SV2C: variants seen among roughly 807,000 people sequenced by gnomAD.
The protein encoded by SV2C is solute carrier family 22 member B3.
A neutral mutation model predicts 79.7 loss-of-function variants in SV2C; 49 were observed. The ratio of observed to expected loss-of-function variants is 0.61; its 90% CI spans 0.49 to 0.78. SV2C has a LOEUF of 0.78. SV2C is among the 30% of genes least tolerant of loss of function. The pLI is 0.00. For missense variants in SV2C, 833 were observed against 912.9 expected (o/e 0.91, Z 1.13); for synonymous variants, 334 against 333.2 (o/e 1.00, Z -0.03).
the SV2C span, among the ~76,000 whole-genome samples, chr5:75,965,140 A>T: frequency 1.3e-5 from 2 of 152,098 alleles, no homozygotes; most frequent in Non-Finnish European, 2.9e-5. Flanking sequence ...CCAGGAGCAC[A>T]TTCATTGTCA....
chr5:76,181,466 T>G (rs1320852516), intron 2 of SV2C, among the ~76,000 whole-genome samples: 2 of 152,172 alleles, frequency 1.3e-5, no homozygotes, highest in East Asian at 3.8e-4. Flanking sequence ...GGGTAATTTA[T>G]GAAGAAAAGA....
At chr5:75,934,362 C>T in the SV2C span, among the ~76,000 whole-genome samples, 1 of 142,122 alleles carries the variant, frequency 7.0e-6, no homozygotes, top group Non-Finnish European at 1.5e-5. Context: ...TCTCGGCTCC[C>T]TGCAACCTCT....
At chr5:76,257,656 G>A (rs911983454) in intron 4 of SV2C, among the ~76,000 whole-genome samples, 10 of 150,544 alleles carry the variant, frequency 6.6e-5, no homozygotes, top group African/African-American at 2.4e-4. Context: ...TAGTGTGCAT[G>A]GAAGTGTGGC....
chr5:75,967,959 C>A, the SV2C span, among the ~76,000 whole-genome samples: 1 of 152,166 alleles, frequency 6.6e-6, no homozygotes, highest in African/African-American at 2.4e-5. Flanking sequence ...GCCAGGTACT[C>A]CTCTGAGACA....
chr5:75,871,830 TATATACACACACACACACACAC>T, the SV2C span, among the ~76,000 whole-genome samples: 17 of 110,538 alleles, frequency 1.5e-4, no homozygotes, highest in African/African-American at 7.7e-4. Flanking sequence ...TATATATATA[TATATACACACACACACACACAC>T]ACACACGTAT....
the SV2C span, among the ~76,000 whole-genome samples, chr5:76,046,056 C>T: frequency 6.6e-6 from 1 of 152,116 alleles, no homozygotes. Context: ...GAGATAGGCA[C>T]TAAATCACAA....
At chr5:76,090,007 T>C (rs899218579) in intron 1 of SV2C, among the ~76,000 whole-genome samples, 1 of 152,388 alleles carries the variant, frequency 6.6e-6, no homozygotes, top group East Asian at 1.9e-4. Context: ...AGGATACCTT[T>C]TTGATGTATA....
the SV2C span, among the ~76,000 whole-genome samples, chr5:76,052,460 T>C: frequency 5.3e-5 from 8 of 152,316 alleles, no homozygotes; most frequent in African/African-American, 1.9e-4. Flanking sequence ...CTGACTTCTA[T>C]GGAATGATGG....
At chr5:76,154,474 G>A (rs1288816801) in intron 2 of SV2C, among the ~76,000 whole-genome samples, 1 of 152,182 alleles carries the variant, frequency 6.6e-6, no homozygotes, top group Non-Finnish European at 1.5e-5. Context: ...TTTATTCAAT[G>A]AGGATGGAAT....
the SV2C span, among the ~76,000 whole-genome samples, chr5:75,967,765 A>G: frequency 6.6e-6 from 1 of 152,354 alleles, no homozygotes; most frequent in Non-Finnish European, 1.5e-5. Context: ...GACAAACAAA[A>G]GACAGCAATA....
intron 1 of SV2C, among the ~76,000 whole-genome samples, chr5:76,086,563 A>G (rs1378021243): frequency 6.6e-6 from 1 of 152,226 alleles, no homozygotes; most frequent in Non-Finnish European, 1.5e-5. Flanking sequence ...CACAGCATAC[A>G]TAGTATTCTC....
chr5:76,130,115 T>A, intron 1 of SV2C, among the ~76,000 whole-genome samples: 1 of 131,224 alleles, frequency 7.6e-6, no homozygotes. Flanking sequence ...CCCATGTCTC[T>A]CTTCCTCCCT....
the SV2C span, among the ~76,000 whole-genome samples, chr5:75,891,512 A>G: frequency 6.6e-6 from 1 of 152,130 alleles, no homozygotes; most frequent in Non-Finnish European, 1.5e-5. Flanking sequence ...TAAGAGAAAA[A>G]CTATATTGAG....
At chr5:75,943,149 A>T in the SV2C span, among the ~76,000 whole-genome samples, 1 of 152,212 alleles carries the variant, frequency 6.6e-6, no homozygotes, top group African/African-American at 2.4e-5. Flanking sequence ...AGTGAAAGAT[A>T]ACAAAGAGTG....
At chr5:76,091,695 A>G (rs1747381499) in intron 1 of SV2C, 1 of 149,550 alleles carries the variant, frequency 6.7e-6, no homozygotes, top group African/African-American at 2.4e-5. Flanking sequence ...TTTCTATGAG[A>G]CTTTTTTTTT....
At chr5:76,269,614 T>G (rs1746779303) in intron 4 of SV2C, among the ~76,000 whole-genome samples, 1 of 152,198 alleles carries the variant, frequency 6.6e-6, no homozygotes, top group Non-Finnish European at 1.5e-5. Context: ...GCCTATCCTT[T>G]GCCAAAACTG....
chr5:76,113,544 T>C (rs1327788940), intron 1 of SV2C, among the ~76,000 whole-genome samples: 2 of 152,210 alleles, frequency 1.3e-5, no homozygotes, highest in Non-Finnish European at 2.9e-5. Context: ...CTGACTTCCC[T>C]TGTGACTGTT....
intron 4 of SV2C, among the ~76,000 whole-genome samples, chr5:76,278,726 G>A (rs1747095298): frequency 6.6e-6 from 1 of 152,230 alleles, no homozygotes; most frequent in Non-Finnish European, 1.5e-5. Context: ...TCAGATACAT[G>A]AATAGGAAGC....
intron 2 of SV2C, among the ~76,000 whole-genome samples, chr5:76,154,012 G>C (rs534991275): frequency 9.9e-5 from 15 of 152,194 alleles, no homozygotes; most frequent in Non-Finnish European, 1.9e-4. Context: ...ACTCATCAGT[G>C]ACCTGTTAGT....
Sources: allele counts gnomAD v4.1 joint callset (sites outside exome capture counted in the v4.1 genomes callset), GRCh38; gene constraint gnomAD v4.1.1; transcripts MANE v1.5; gene names NCBI Gene and HGNC (gene_info 2026-07-23, HGNC 2026-07-21).